The following KLHL33 variants were observed in gnomAD, a reference collection of about 807,000 sequenced individuals.
The protein encoded by KLHL33 is kelch like family member 33, also known as kelch-like protein 33.
In KLHL33, 46 loss-of-function variants were observed where a neutral mutation model predicts 60.8. That is an observed-to-expected ratio of 0.76 (90% CI 0.60 to 0.97). KLHL33 has a LOEUF of 0.97. Ranked by LOEUF, KLHL33 falls within the 50% of genes least tolerant of loss-of-function variation. KLHL33 has a pLI of 0.00. For synonymous variants in KLHL33, 434 were observed against 432.2 expected, an observed-to-expected ratio of 1.00 and a Z score of -0.05; for missense variants, 1,055 against 1,000.0, an observed-to-expected ratio of 1.05 and a Z score of -0.74.
Position 20,430,715 on chromosome 14 carries a change from G to A in KLHL33, c.753C>T (p.His251=). ...CACTGCCACAGGCCAGGGCGGCTCGGTGCACTGCAGGAGGGGAGAAGGAAT... is the reference window on the plus strand; with the variant it reads ...CACTGCCACAGGCCAGGGCGGCTCGATGCACTGCAGGAGGGGAGAAGGAAT... ...LEAGGCQLSV[H]RAALACGSEF... Residue 251 remains histidine (H), a synonymous_variant, in exon 3 of 5, where the codon CAC becomes CAT. Transcript: ENST00000636854. 5 of 1,512,262 alleles carry A rather than the reference G, an allele frequency of 3.3e-6. No individual in the cohort carries two copies. Among genetic ancestry groups the A allele is most frequent in the Non-Finnish European group, 4.4e-6 (5 of 1,134,126 alleles). 93.7% of individuals were successfully genotyped at this position (1,512,262 alleles called of 1,614,324 possible).
At position 20,435,551 on chromosome 14, in the gene KLHL33, G is replaced by C. The variant is rs564166177; in HGVS notation, c.261C>G (p.Pro87=). ...EEEEDEDAAE[P]EWLRSEEHPS... ...GATGCTCCTCGCTGCGCAGCCACTC[G>C]GGCTCTGCCGCATCTTCATCTTCTT... The change falls in exon 2 of 5, where the codon CCC becomes CCG. Residue 87 remains proline, a synonymous_variant. Coordinates refer to ENST00000636854, the MANE Select transcript of KLHL33 (RefSeq NM_001365790.2). The C allele has an allele frequency of 2.5e-4, 310 of 1,234,746 alleles. 2 individuals carry two copies. The African/African-American group carries it at 4.4e-3, about 17-fold the overall frequency. The allele number at this position is 1,234,746 out of a possible 1,614,324, so 76.5% of individuals were successfully genotyped here. A position where few individuals can be genotyped will look rare whatever the true frequency, so the allele number is the denominator to read the frequency against.
chr14:20,431,730 T>C (rs934612933), intron 2 of KLHL33, among the ~76,000 whole-genome samples: 1 of 152,076 alleles, frequency 6.6e-6, no homozygotes. Flanking sequence ...CATCTCAAAA[T>C]AAATAAATAA....
rs191411619 is a variant in KLHL33, at chr14:20,431,659, G to A, written c.749-940C>T. ...GGAGAATAGCTTGAACCTGGGAGGC[G>A]AGGGTTGCAATGAGCTGAGACTGCG... On this transcript the variant is annotated intron_variant, in intron 2 of 4. Coordinates refer to ENST00000636854, the MANE Select transcript of KLHL33 (RefSeq NM_001365790.2). Among the ~76,000 whole-genome samples the A allele has an allele frequency of 4.5e-3, 693 of 152,364 alleles. 9 individuals are homozygous for A. The highest frequency in any genetic ancestry group is 0.015 in the African/African-American group (629 of 41,582).
At chr14:20,433,830 G>T (rs2139273975) in intron 2 of KLHL33, among the ~76,000 whole-genome samples, 1 of 152,318 alleles carries the variant, frequency 6.6e-6, no homozygotes, top group Non-Finnish European at 1.5e-5. Context: ...AGGAGTCCCA[G>T]AAGCACTTCA....
intron 2 of KLHL33, among the ~76,000 whole-genome samples, chr14:20,432,403 A>G (rs1880535478): frequency 6.6e-6 from 1 of 151,852 alleles, no homozygotes; most frequent in Non-Finnish European, 1.5e-5. Context: ...GTGAGCCACT[A>G]TGCCTGGCCC....
Position 20,430,381 on chromosome 14 carries a change from G to T in KLHL33, c.1087C>A (p.Leu363Ile). 2.6e-6 allele frequency: 4 copies of T among 1,551,814 alleles called. No individual in the cohort carries two copies. The South Asian group carries it at 4.8e-5, about 18-fold the overall frequency. ...RLWSKARHYL[L>I]THLPAVALCP... ...AAGGCTACAGCAGGCAGGTGGGTGA[G>T]GAGGTAGTGACGGGCTTTGCTCCAG... The change falls in exon 3 of 5, where the codon CTC (leucine) becomes ATC (isoleucine). Residue 363 changes from leucine to isoleucine, a missense_variant. Leu to Ile is a conservative substitution (Grantham distance 5, BLOSUM62 2). Transcript: ENST00000636854.
chr14:20,429,379 G>C lies in KLHL33; in HGVS notation c.1864C>G (p.Pro622Ala). 2 of 1,551,740 alleles carry C rather than the reference G, an allele frequency of 1.3e-6. No individual in the cohort carries two copies. Among genetic ancestry groups the C allele is most frequent in the Non-Finnish European group, 8.7e-7 (1 of 1,146,974 alleles). ...VWRPAPALPA[P>A]CFAHAAAILE... Reference sequence around the variant, plus strand: ...ATCGCAGCTGCGTGGGCAAAACATGGTGCTGGAAGTGCAGGTGCTGGCCTA... The same window carrying C: ...ATCGCAGCTGCGTGGGCAAAACATGCTGCTGGAAGTGCAGGTGCTGGCCTA... The change falls in exon 5 of 5, where the codon CCA (proline) becomes GCA (alanine). Residue 622 changes from proline to alanine, a missense_variant. By Grantham distance (27) the Pro-to-Ala change is conservative (BLOSUM62 -1). Transcript: ENST00000636854.
intron 1 of KLHL33, 130 bp downstream of exon 1, chr14:20,435,969 C>T (rs1348684067): frequency 3.9e-6 from 2 of 511,182 alleles, no homozygotes; most frequent in Non-Finnish European, 6.1e-6. Context: ...CACATCCCAG[C>T]ACTGGAGTAT....
At chr14:20,432,649 C>T (rs999671262) in intron 2 of KLHL33, among the ~76,000 whole-genome samples, 15 of 151,922 alleles carry the variant, frequency 9.9e-5, no homozygotes, top group South Asian at 2.1e-4. Flanking sequence ...TGGCCAGGCG[C>T]GGTGGCTCAT....
chr14:20,433,400 G>C (rs1344510657), intron 2 of KLHL33, among the ~76,000 whole-genome samples: 1 of 152,224 alleles, frequency 6.6e-6, no homozygotes, highest in African/African-American at 2.4e-5. Flanking sequence ...CCAAAGGGCA[G>C]GTGTTGTTCA....
intron 2 of KLHL33, among the ~76,000 whole-genome samples, chr14:20,431,321 G>A (rs1880504328): frequency 6.6e-6 from 1 of 152,144 alleles, no homozygotes; most frequent in East Asian, 1.9e-4. Flanking sequence ...TGTTTTCCGT[G>A]CGTCCCAGCT....
At position 20,426,205 on chromosome 14, in the gene KLHL33, A is replaced by T. The variant is rs1462654659; in HGVS notation, c.*2644T>A. The T allele has an allele frequency of 6.6e-6, 1 of 152,194 alleles. No individual in the cohort carries two copies. The highest frequency in any genetic ancestry group is 2.4e-5 in the African/African-American group (1 of 41,442). 9.4% of individuals were successfully genotyped at this position (152,194 alleles called of 1,614,324 possible). A position where few individuals can be genotyped will look rare whatever the true frequency, so the allele number is the denominator to read the frequency against. Reference sequence around the variant, plus strand: ...AATCTTAATAAACAATGGTAATAGAAAACTGACCTACACAGGCCGGGCATT... The same window carrying T: ...AATCTTAATAAACAATGGTAATAGATAACTGACCTACACAGGCCGGGCATT... On this transcript the variant is annotated 3_prime_UTR_variant, in exon 5 of 5. Coordinates refer to ENST00000636854, the MANE Select transcript of KLHL33 (RefSeq NM_001365790.2).
Position 20,430,239 on chromosome 14 carries a change from G to T in KLHL33, c.1229C>A (p.Ala410Asp), listed in dbSNP as rs1470815369. ...AFVAARCWLA[A>D]NPETQESEAK... ...CTCTGACTCCTGGGTCTCGGGGTTGGCAGCCAGCCAACACCGTGCAGCCAC... is the reference window on the plus strand; with the variant it reads ...CTCTGACTCCTGGGTCTCGGGGTTGTCAGCCAGCCAACACCGTGCAGCCAC... Residue 410 changes from alanine (A) to aspartate (D), a missense_variant, in exon 3 of 5, where the codon GCC becomes GAC. By Grantham distance (126) the Ala-to-Asp change is moderately radical. Transcript: ENST00000636854. 6.4e-7 allele frequency: 1 copy of T among 1,551,592 alleles called. No homozygotes were observed. Among genetic ancestry groups the T allele is most frequent in the Non-Finnish European group, 8.7e-7 (1 of 1,146,996 alleles).
intron 2 of KLHL33, 64 bp downstream of exon 2, chr14:20,435,000 G>A: frequency 8.3e-7 from 1 of 1,203,432 alleles, no homozygotes. Flanking sequence ...ACCACCTGCT[G>A]CTTGCACACA....
chr14:20,435,524 C>G lies in KLHL33; in HGVS notation c.288G>C (p.Pro96=). The G allele has an allele frequency of 3.2e-6, 4 of 1,234,808 alleles. No individual in the cohort carries two copies. The highest frequency in any genetic ancestry group is 4.0e-6 in the Non-Finnish European group (4 of 988,530). 76.5% of individuals were successfully genotyped at this position (1,234,808 alleles called of 1,614,324 possible). The change falls in exon 2 of 5, where the codon CCG becomes CCC. Residue 96 remains proline, a synonymous_variant. Coordinates refer to ENST00000636854, the MANE Select transcript of KLHL33 (RefSeq NM_001365790.2). ...GCTGGGCCTCGGCGAAAAACTGGCT[C>G]GGATGCTCCTCGCTGCGCAGCCACT... The part of the protein sequence containing the change: ...EPEWLRSEEH[P]SQFFAEAQRL...
In KLHL33 at chr14:20,426,733, A is replaced by G. The variant is rs1417433864; in HGVS notation, c.*2116T>C. ...TGCCGCTATAAAGACACATGCACAC[A>G]TATGTTTATTGCATCACTATTCACA... On this transcript the variant is annotated 3_prime_UTR_variant, in exon 5 of 5. Transcript: ENST00000636854. 1 of 152,148 alleles carries G rather than the reference A, an allele frequency of 6.6e-6. No individual in the cohort carries two copies. The highest frequency in any genetic ancestry group is 2.4e-5 in the African/African-American group (1 of 41,428). The allele number at this position is 152,148 out of a possible 1,614,324, so 9.4% of individuals were successfully genotyped here.
At chr14:20,434,121 A>G (rs952978282) in intron 2 of KLHL33, among the ~76,000 whole-genome samples, 24 of 152,364 alleles carry the variant, frequency 1.6e-4, no homozygotes, top group African/African-American at 5.3e-4. Context: ...TTTCAGTAAA[A>G]TTTAAAAAGA....
rs1022530163 is a variant in KLHL33, at chr14:20,427,482, A to G, written c.*1367T>C. 2.0e-5 allele frequency: 3 copies of G among 152,166 alleles called. No homozygotes were observed. The highest frequency in any genetic ancestry group is 4.8e-5 in the African/African-American group (2 of 41,432). 9.4% of individuals were successfully genotyped at this position (152,166 alleles called of 1,614,324 possible). A position where few individuals can be genotyped will look rare whatever the true frequency, so the allele number is the denominator to read the frequency against. On this transcript the variant is annotated 3_prime_UTR_variant, in exon 5 of 5. Transcript: ENST00000636854. ...GGAGAAACAGGGCATGGCATGCCCC[A>G]CTTCTTTCTGTTTCAAATGCATTCC... is the stretch of plus-strand genomic sequence containing the variant.
chr14:20,430,797 A>AAGTTTGGCCAAACTCTC, intron 2 of KLHL33, 78 bp from the exon 3 acceptor site: 1 of 870,960 alleles, frequency 1.1e-6, no homozygotes, highest in Non-Finnish European at 1.6e-6. Flanking sequence ...TTGGTACTCT[A>AAGTTTGGCCAAACTCTC]AGTTTGGCCA....
Sources: gnomAD v4.1 joint callset for allele counts (sites outside exome capture counted in the v4.1 genomes callset) on GRCh38, gnomAD v4.1.1 for gene constraint, MANE v1.5 for transcripts, NCBI Gene and HGNC (gene_info 2026-07-23, HGNC 2026-07-21) for gene names.